Variants in SLC16A12 observed in about 807,000 individuals in gnomAD.
The protein encoded by SLC16A12 is solute carrier family 16 member 12, also known as monocarboxylate transporter 12.
A neutral mutation model predicts 42.4 loss-of-function variants in SLC16A12; 17 were observed. That is an observed-to-expected ratio of 0.40 (90% CI 0.27 to 0.60). SLC16A12 has a LOEUF of 0.60. Among genes scored for constraint, SLC16A12 ranks in the 20% least tolerant of loss-of-function variants. The pLI, the probability that SLC16A12 is intolerant of heterozygous loss-of-function variation, is 0.42. For synonymous variants in SLC16A12, 224 were observed against 229.4 expected (o/e 0.98, Z 0.21); for missense variants, 544 against 623.0 (o/e 0.87, Z 1.35).
chr10:89,533,390 C>G (rs1401290181), intron 2 of SLC16A12, among the ~76,000 whole-genome samples: 1 of 152,142 alleles, frequency 6.6e-6, no homozygotes, highest in Non-Finnish European at 1.5e-5. Context: ...CCCAGAACAG[C>G]ACTAGGCATA....
chr10:89,531,541 CTG>C (rs569205219), intron 2 of SLC16A12, among the ~76,000 whole-genome samples: 141 of 152,322 alleles, frequency 9.3e-4, no homozygotes, highest in Non-Finnish European at 1.5e-3. Context: ...ACAGCGGTCT[CTG>C]TGTCTGAGCA....
intron 2 of SLC16A12, among the ~76,000 whole-genome samples, chr10:89,531,197 C>G (rs996422151): frequency 6.6e-6 from 1 of 151,810 alleles, no homozygotes; most frequent in African/African-American, 2.4e-5. Context: ...CGAGACCAGC[C>G]TTGCCAACAT....
At chr10:89,475,377 C>G (rs1227990647) in intron 2 of SLC16A12, among the ~76,000 whole-genome samples, 1 of 152,208 alleles carries the variant, frequency 6.6e-6, no homozygotes, top group Non-Finnish European at 1.5e-5. Context: ...ACCCCTCTCT[C>G]TCTGCTTAGG....
intron 3 of SLC16A12, 120 bp from the exon 4 acceptor site, chr10:89,443,979 A>G (rs964066292): frequency 2.2e-5 from 16 of 713,252 alleles, no homozygotes; most frequent in African/African-American, 5.2e-5. Flanking sequence ...TTGCTAGACC[A>G]TAATAAGTGG....
chr10:89,463,958 T>G (rs1324402512), intron 2 of SLC16A12, among the ~76,000 whole-genome samples: 1 of 152,140 alleles, frequency 6.6e-6, no homozygotes, highest in Non-Finnish European at 1.5e-5. Flanking sequence ...TGTGACTTGC[T>G]TCTACCCAAC....
chr10:89,436,751 A>G (rs1262642782), intron 6 of SLC16A12, among the ~76,000 whole-genome samples: 2 of 151,900 alleles, frequency 1.3e-5, no homozygotes, highest in Non-Finnish European at 2.9e-5. Context: ...CACACATAAA[A>G]TAAACTAACA....
rs1030960955 is a variant in SLC16A12, at chr10:89,433,011, C to T, written c.*53G>A. On this transcript the variant is annotated 3_prime_UTR_variant, in exon 8 of 8. Coordinates refer to ENST00000371790, the MANE Select transcript of SLC16A12 (RefSeq NM_213606.4). ...AAAAAGTTTCAGAAACATGAAGAAT[C>T]TGGTGGCCCCACCTCTCTCAAACCT... is the stretch of plus-strand genomic sequence containing the variant. 1.9e-6 allele frequency: 3 copies of T among 1,602,008 alleles called. No homozygotes were observed. Among genetic ancestry groups the T allele is most frequent in the Non-Finnish European group, 2.5e-6 (3 of 1,177,328 alleles).
chr10:89,444,734 T>G (rs1325798639), intron 3 of SLC16A12, among the ~76,000 whole-genome samples: 3 of 152,194 alleles, frequency 2.0e-5, no homozygotes, highest in African/African-American at 7.2e-5. Context: ...AGGTACCTGG[T>G]TCATCTCACT....
rs187371941 is a variant in SLC16A12, at chr10:89,529,767, C to T, written c.-47+4734G>A. On this transcript the variant is annotated intron_variant, in intron 2 of 7. Coordinates refer to ENST00000371790, the MANE Select transcript of SLC16A12 (RefSeq NM_213606.4). ...TTCGCCATGTTGGCCACGCTAGTCT[C>T]GAACTCCTGACCTCAGGTGATCCAC... 4.6e-4 allele frequency among the ~76,000 whole-genome samples: 70 copies of T among 152,140 alleles called. No homozygotes were observed. The East Asian group carries it at 0.011, about 24-fold the overall frequency.
intron 2 of SLC16A12, among the ~76,000 whole-genome samples, chr10:89,525,622 G>C (rs1247681779): frequency 6.6e-6 from 1 of 152,134 alleles, no homozygotes; most frequent in African/African-American, 2.4e-5. Flanking sequence ...GTATTTATTT[G>C]TTCTTTATCT....
chr10:89,550,013 T>C (rs1160137251), intron 2 of SLC16A12, among the ~76,000 whole-genome samples: 1 of 152,170 alleles, frequency 6.6e-6, no homozygotes, highest in Non-Finnish European at 1.5e-5. Context: ...GCCAAAAATC[T>C]AGGAGTCATC....
chr10:89,548,330 A>C (rs1843752667), intron 2 of SLC16A12, among the ~76,000 whole-genome samples: 1 of 152,166 alleles, frequency 6.6e-6, no homozygotes, highest in Admixed American at 6.5e-5. Flanking sequence ...TATTGAACAC[A>C]TGGATCTTGA....
intron 2 of SLC16A12, among the ~76,000 whole-genome samples, chr10:89,517,795 T>C (rs1843279155): frequency 6.6e-6 from 1 of 152,144 alleles, no homozygotes; most frequent in Non-Finnish European, 1.5e-5. Context: ...TCAACAATCC[T>C]TCAAGAAAAT....
Position 89,481,646 on chromosome 10 carries a change from T to C in SLC16A12, c.-46-19022A>G, listed in dbSNP as rs1292769802. The stretch of plus-strand genomic sequence containing the variant: ...AATTGACACTGTTTTTTTTTTCTTG[T>C]GTGTGTGTGTGTGTGTGTGAGAGAG... On this transcript the variant is annotated intron_variant, in intron 2 of 7. Coordinates refer to ENST00000371790, the MANE Select transcript of SLC16A12 (RefSeq NM_213606.4). 3.8e-4 allele frequency among the ~76,000 whole-genome samples: 30 copies of C among 79,390 alleles called. 1 individual carries two copies. The highest frequency in any genetic ancestry group is 1.1e-3 in the African/African-American group (30 of 27,418). 52.1% of individuals were successfully genotyped at this position (79,390 alleles called of 152,430 possible).
At position 89,484,513 on chromosome 10, in the gene SLC16A12, T is replaced by C. The variant is rs149808280; in HGVS notation, c.-46-21889A>G. 2.7e-3 allele frequency among the ~76,000 whole-genome samples: 407 copies of C among 152,272 alleles called. 4 individuals carry two copies. The highest frequency in any genetic ancestry group is 9.3e-3 in the African/African-American group (386 of 41,550). ...AGTACCTGGCATATCCAGTGAGTAA[T>C]ACACAAGTGATAATTATTATTATTA... On this transcript the variant is annotated intron_variant, in intron 2 of 7. Coordinates refer to ENST00000371790, the MANE Select transcript of SLC16A12 (RefSeq NM_213606.4).
At chr10:89,458,768 C>T (rs11596684) in intron 3 of SLC16A12, among the ~76,000 whole-genome samples, 25,932 of 152,066 alleles carry the variant, frequency 0.17, 2,837 homozygotes, top group Non-Finnish European at 0.23. Context: ...TTTTTAAGTT[C>T]TTAAAATACA....
At chr10:89,487,059 C>T (rs1309586385) in intron 2 of SLC16A12, among the ~76,000 whole-genome samples, 3 of 152,158 alleles carry the variant, frequency 2.0e-5, no homozygotes, top group African/African-American at 7.2e-5. Context: ...AAGGACGATC[C>T]CCAGCAATCC....
At chr10:89,510,479 G>A (rs1843146182) in intron 2 of SLC16A12, among the ~76,000 whole-genome samples, 1 of 152,120 alleles carries the variant, frequency 6.6e-6, no homozygotes, top group African/African-American at 2.4e-5. Flanking sequence ...AAACAAGCAA[G>A]GGAGGAAGGA....
At chr10:89,458,173 A>C (rs1257149535) in intron 3 of SLC16A12, among the ~76,000 whole-genome samples, 1 of 152,236 alleles carries the variant, frequency 6.6e-6, no homozygotes, top group East Asian at 1.9e-4. Context: ...TGCCAAATCT[A>C]AGTAGCTGTT....
Sources: allele counts gnomAD v4.1 joint callset (sites outside exome capture counted in the v4.1 genomes callset), GRCh38; gene constraint gnomAD v4.1.1; transcripts MANE v1.5; gene names NCBI Gene and HGNC (gene_info 2026-07-23, HGNC 2026-07-21).